MCPH1: variants seen among roughly 807,000 people sequenced by gnomAD.
MCPH1 encodes the protein microcephalin.
MCPH1 carries 104 observed loss-of-function variants against 84.5 expected under a neutral mutation model. The observed-to-expected ratio is 1.23, with a 90% CI of 1.05 to 1.45. The LOEUF (loss-of-function observed/expected upper bound fraction) is 1.45. Ranked by LOEUF, MCPH1 falls within the 40% of genes most tolerant of loss-of-function variation. The probability of loss-of-function intolerance (pLI) is 0.00; values close to 1 mark genes in which losing one functional copy is unlikely to be tolerated. For synonymous variants in MCPH1, 514 were observed against 366.8 expected (o/e 1.40, Z -4.58); for missense variants, 1,498 against 1,005.7 (o/e 1.49, Z -6.62).
intron 12 of MCPH1, among the ~76,000 whole-genome samples, chr8:6,604,322 G>T (rs1050444477): frequency 1.4e-4 from 22 of 152,210 alleles, no homozygotes; most frequent in Non-Finnish European, 3.2e-4. Flanking sequence ...GCCAACAGAA[G>T]AACTTTTGAC....
chr8:6,428,446 G>T (rs747415048), intron 3 of MCPH1, among the ~76,000 whole-genome samples: 2 of 152,152 alleles, frequency 1.3e-5, no homozygotes, highest in Non-Finnish European at 2.9e-5. Context: ...TCACAGAGTT[G>T]TGCAACCGTC....
At chr8:6,429,482 T>C (rs1216278283) in intron 3 of MCPH1, among the ~76,000 whole-genome samples, 1 of 151,216 alleles carries the variant, frequency 6.6e-6, no homozygotes, top group Non-Finnish European at 1.5e-5. Flanking sequence ...GGTTCTGAGC[T>C]CCAGATGGAC....
chr8:6,446,721 C>A (rs889934429), intron 8 of MCPH1: 3 of 985,048 alleles, frequency 3.0e-6, no homozygotes, highest in East Asian at 1.1e-4. Flanking sequence ...CCAGTTTTCA[C>A]CTTGTGTATT....
chr8:6,436,002 T>C, intron 4 of MCPH1, 46 bp from the exon 5 acceptor site: 1 of 1,607,722 alleles, frequency 6.2e-7, no homozygotes, highest in Non-Finnish European at 8.5e-7. Flanking sequence ...TCTCCTGCCT[T>C]AAGCAGTTGC....
chr8:6,527,312 T>C (rs1046937292), intron 12 of MCPH1, among the ~76,000 whole-genome samples: 2 of 152,212 alleles, frequency 1.3e-5, no homozygotes, highest in African/African-American at 4.8e-5. Context: ...GTTTGGAGGA[T>C]TACTCTAAGA....
chr8:6,446,394 G>A, intron 8 of MCPH1: 1 of 985,228 alleles, frequency 1.0e-6, no homozygotes, highest in Non-Finnish European at 1.2e-6. Context: ...CCTCTTTGAA[G>A]GTGGAGAAGT....
At chr8:6,642,948 T>C (rs994394168) in intron 13 of MCPH1, 46 bp from the exon 14 acceptor site, 1 of 1,557,242 alleles carries the variant, frequency 6.4e-7, no homozygotes, top group Non-Finnish European at 8.9e-7. Context: ...CTTTCCTATG[T>C]GGCTGGCTAT....
chr8:6,446,682 C>G (rs1453097407), intron 8 of MCPH1: 1 of 984,710 alleles, frequency 1.0e-6, no homozygotes, highest in Non-Finnish European at 1.2e-6. Flanking sequence ...TAAGAATATC[C>G]TGTTCTGAGG....
chr8:6,621,740 C>A (rs41306051), intron 13 of MCPH1, 49 bp downstream of exon 13: 2 of 1,612,728 alleles, frequency 1.2e-6, no homozygotes, highest in East Asian at 2.2e-5. Flanking sequence ...GATCTGTGGA[C>A]AGGTTTCCAG....
At chr8:6,642,634 G>T in intron 13 of MCPH1, 1 of 388,134 alleles carries the variant, frequency 2.6e-6, no homozygotes, top group Non-Finnish European at 4.9e-6. Context: ...CAAGAGTACT[G>T]GAAGTGGTGA....
At chr8:6,496,528 C>T (rs930353772) in intron 11 of MCPH1, among the ~76,000 whole-genome samples, 4 of 151,950 alleles carry the variant, frequency 2.6e-5, no homozygotes, top group East Asian at 3.9e-4. Flanking sequence ...CCCCCCCGCC[C>T]CCCTTCCCCC....
chr8:6,567,274 C>CGGTAAGG (rs71213318), intron 12 of MCPH1, among the ~76,000 whole-genome samples: 11 of 151,956 alleles, frequency 7.2e-5, no homozygotes, highest in East Asian at 1.9e-4. Context: ...CGTGTGTGAT[C>CGGTAAGG]CGCAAGGTCA....
chr8:6,543,321 T>A (rs181560354), intron 12 of MCPH1, among the ~76,000 whole-genome samples: 1 of 152,330 alleles, frequency 6.6e-6, no homozygotes, highest in Admixed American at 6.5e-5. Flanking sequence ...TTTGTACAGT[T>A]ACTTTCTCAG....
chr8:6,569,698 A>T (rs1826501286), intron 12 of MCPH1, among the ~76,000 whole-genome samples: 1 of 152,208 alleles, frequency 6.6e-6, no homozygotes, highest in African/African-American at 2.4e-5. Flanking sequence ...AATGGTTATG[A>T]ATTTAAGGAG....
intron 12 of MCPH1, among the ~76,000 whole-genome samples, chr8:6,514,486 G>A (rs1815839572): frequency 6.6e-6 from 1 of 152,190 alleles, no homozygotes; most frequent in Non-Finnish European, 1.5e-5. Flanking sequence ...AGCACGTCTG[G>A]CTGCAGCTTT....
chr8:6,438,837 A>G, intron 5 of MCPH1, 116 bp from the exon 6 acceptor site: 1 of 856,268 alleles, frequency 1.2e-6, no homozygotes, highest in Non-Finnish European at 1.9e-6. Context: ...GTAGGTAATG[A>G]TGTTGAAAGG....
chr8:6,418,337 GT>G (rs1369919571), intron 3 of MCPH1, among the ~76,000 whole-genome samples: 3 of 152,020 alleles, frequency 2.0e-5, no homozygotes, highest in African/African-American at 7.2e-5. Flanking sequence ...AAATTTGCCT[GT>G]TCTTTCTTTT....
chr8:6,468,360 C>G (rs1180449687), intron 9 of MCPH1, among the ~76,000 whole-genome samples: 1 of 152,180 alleles, frequency 6.6e-6, no homozygotes, highest in Non-Finnish European at 1.5e-5. Context: ...GCATGACCTG[C>G]ACCCTTCTCC....
chr8:6,439,216 A>G (rs144514563), intron 6 of MCPH1, 120 bp downstream of exon 6: 5 of 1,021,506 alleles, frequency 4.9e-6, no homozygotes, highest in African/African-American at 3.2e-5. Flanking sequence ...ATTTTGACTT[A>G]TTTCATGGCT....
Sources: allele counts gnomAD v4.1 joint callset (sites outside exome capture counted in the v4.1 genomes callset), GRCh38; gene constraint gnomAD v4.1.1; transcripts MANE v1.5; gene names NCBI Gene and HGNC (gene_info 2026-07-23, HGNC 2026-07-21).